Variants in MRPL47 observed in about 807,000 individuals in gnomAD.
The protein encoded by MRPL47 is large ribosomal subunit protein uL29m.
MRPL47 carries 31 observed loss-of-function variants against 34.0 expected under a neutral mutation model. That is an observed-to-expected ratio of 0.91 (90% confidence interval 0.68 to 1.23). The LOEUF (loss-of-function observed/expected upper bound fraction) is 1.23, where lower values mean the gene tolerates loss of function less well. Among genes scored for constraint, MRPL47 ranks in the 50% most tolerant of loss-of-function variants. MRPL47 has a pLI of 0.00. For missense variants in MRPL47, 328 were observed against 285.8 expected (o/e 1.15, Z -1.07); for synonymous variants, 106 against 101.6 (o/e 1.04, Z -0.26).
At position 179,588,837 on chromosome 3, in the gene MRPL47, A is replaced by G; in HGVS notation, c.*35T>C. The G allele has an allele frequency of 6.2e-7, 1 of 1,601,060 alleles. No homozygotes were observed. The highest frequency in any genetic ancestry group is 8.5e-7 in the Non-Finnish European group (1 of 1,174,252). ...TACTCCTGTACACAGACTATTCAAG[A>G]AAAACAAAATGGTAAATTTAATAGT... On this transcript the variant is annotated 3_prime_UTR_variant, in exon 7 of 7. Transcript: ENST00000476781.
chr3:179,595,637 CTT>C (rs1477174023), intron 4 of MRPL47, among the ~76,000 whole-genome samples: 2 of 152,202 alleles, frequency 1.3e-5, no homozygotes, highest in African/African-American at 4.8e-5. Context: ...AAGGGTAAGA[CTT>C]GAGGCTTCCA....
rs1718596107 is a variant in MRPL47, at chr3:179,588,947, TA to T, written c.677del (p.Leu226Ter). 1 of 1,613,772 alleles carries T rather than the reference TA, an allele frequency of 6.2e-7. No homozygotes were observed. The highest frequency in any genetic ancestry group is 2.2e-5 in the East Asian group (1 of 44,854). ...RARIKARKEN[L>X]ERKKAKILLK... ...AAAGAATTTTTGCTTTCTTTCTCTC[TA>T]AATTTTCCTTCCGTGCTTTGATGCG... On this transcript the variant is annotated frameshift_variant, in exon 7 of 7. Coordinates refer to ENST00000476781, the MANE Select transcript of MRPL47 (RefSeq NM_020409.3). LOFTEE classifies it high-confidence loss of function.
At chr3:179,603,738 A>G (rs1478156269) in intron 1 of MRPL47, among the ~76,000 whole-genome samples, 2 of 152,212 alleles carry the variant, frequency 1.3e-5, no homozygotes, top group Non-Finnish European at 2.9e-5. Context: ...GCAGCTAAGA[A>G]TGGTTTAAAA....
chr3:179,604,449 T>C lies in MRPL47; in HGVS notation c.98+78A>G, dbSNP rs905473838. ...CGGCCGTTCCATTCTTGAGTTGTTC[T>C]CGGCATCTCGGCATCTCGGCAACCA... On this transcript the variant is annotated intron_variant, in intron 1 of 6. Transcript: ENST00000476781. 2.8e-5 allele frequency: 38 copies of C among 1,377,362 alleles called. 1 individual carries two copies. Among genetic ancestry groups the C allele is most frequent in the Admixed American group, 1.5e-4 (8 of 54,310 alleles). The allele number at this position is 1,377,362 out of a possible 1,614,324, so 85.3% of individuals were successfully genotyped here. A position where few individuals can be genotyped will look rare whatever the true frequency, so the allele number is the denominator to read the frequency against.
chr3:179,600,401 G>A (rs1217794260), intron 3 of MRPL47, among the ~76,000 whole-genome samples: 2 of 152,098 alleles, frequency 1.3e-5, no homozygotes, highest in South Asian at 4.1e-4. Context: ...AGCACTTTGC[G>A]AGGCCAAGGC....
chr3:179,595,090 G>A (rs867464508), intron 4 of MRPL47, among the ~76,000 whole-genome samples: 3 of 152,156 alleles, frequency 2.0e-5, no homozygotes, highest in Middle Eastern at 3.2e-3. Context: ...CTGTCAGCCA[G>A]GCTGGAGTGC....
At chr3:179,593,961 T>A (rs557192694) in intron 4 of MRPL47, 66 bp from the exon 5 acceptor site, 1 of 1,420,394 alleles carries the variant, frequency 7.0e-7, no homozygotes, top group Admixed American at 1.9e-5. Flanking sequence ...AAAAAGAGAA[T>A]GTATAAACAC....
chr3:179,601,825 C>A (rs753402198), intron 2 of MRPL47, 35 bp from the exon 3 acceptor site: 9 of 1,506,892 alleles, frequency 6.0e-6, no homozygotes, highest in Non-Finnish European at 8.3e-6. Context: ...AATAACATTT[C>A]TAGCCATGTG....
At position 179,604,563 on chromosome 3, in the gene MRPL47, C is replaced by G; in HGVS notation, c.62G>C (p.Arg21Pro). The G allele has an allele frequency of 1.9e-6, 3 of 1,614,186 alleles. No individual in the cohort carries two copies. The highest frequency in any genetic ancestry group is 2.5e-6 in the Non-Finnish European group (3 of 1,180,030). Residue 21 changes from arginine (R) to proline (P), a missense_variant, in exon 1 of 7, where the codon CGA becomes CCA. Coordinates refer to ENST00000476781, the MANE Select transcript of MRPL47 (RefSeq NM_020409.3). ...RRVSSALKSS[R>P]SLITPQVPAC... The stretch of plus-strand genomic sequence containing the variant: ...AGGGACCTGAGGAGTTATTAACGAT[C>G]GGGAAGATTTCAGGGCGGATGAAAC...
chr3:179,599,111 G>C (rs1033698419), intron 3 of MRPL47, among the ~76,000 whole-genome samples: 1 of 151,774 alleles, frequency 6.6e-6, no homozygotes, highest in Non-Finnish European at 1.5e-5. Context: ...TGAGGCTATA[G>C]TGGGCTAAGA....
At chr3:179,600,272 A>G (rs1311996988) in intron 3 of MRPL47, among the ~76,000 whole-genome samples, 1 of 152,244 alleles carries the variant, frequency 6.6e-6, no homozygotes, top group African/African-American at 2.4e-5. Flanking sequence ...GAATAAACAT[A>G]GTATCAGTGG....
At chr3:179,591,464 A>C (rs1718669362) in intron 6 of MRPL47, among the ~76,000 whole-genome samples, 4 of 152,150 alleles carry the variant, frequency 2.6e-5, no homozygotes, top group Admixed American at 2.6e-4. Context: ...AAAAAATCTT[A>C]AGTTTGTATA....
chr3:179,602,672 C>T lies in MRPL47; in HGVS notation c.224G>A (p.Gly75Glu). Residue 75 changes from glycine to glutamate, a missense_variant, in exon 2 of 7, where the codon GGG becomes GAG. Transcript: ENST00000476781. ...CTCACCAGATTTTACTTTTTCTTGC[C>T]CCCAGTTTTTTGGGTCATCAAAAAA... ...EEFFDDPKNW[G>E]QEKVKSGAAW... 3 of 1,610,950 alleles carry T rather than the reference C, an allele frequency of 1.9e-6. No individual in the cohort carries two copies. Among genetic ancestry groups the T allele is most frequent in the South Asian group, 2.2e-5 (2 of 90,440 alleles).
At chr3:179,593,293 G>C (rs1343096981) in intron 5 of MRPL47, among the ~76,000 whole-genome samples, 2 of 152,190 alleles carry the variant, frequency 1.3e-5, no homozygotes, top group Admixed American at 1.3e-4. Flanking sequence ...ATGGCAGTGG[G>C]AGCAAACTGA....
chr3:179,597,622 C>A (rs1718817715), intron 4 of MRPL47, among the ~76,000 whole-genome samples: 1 of 152,114 alleles, frequency 6.6e-6, no homozygotes, highest in South Asian at 2.1e-4. Context: ...GCCTGGCCAA[C>A]ATGGTAAAAC....
intron 3 of MRPL47, among the ~76,000 whole-genome samples, chr3:179,600,139 AAG>A (rs1272730831): frequency 1.3e-5 from 2 of 152,004 alleles, no homozygotes; most frequent in Non-Finnish European, 2.9e-5. Context: ...AAAAACAAAA[AAG>A]AGAAATGGCA....
At position 179,604,603 on chromosome 3, in the gene MRPL47, G is replaced by A; in HGVS notation, c.22C>T (p.Leu8Phe). MAAAGLA[L>F]LCRRVSSALK... is the part of the protein sequence containing the mutation. ...GCGGATGAAACTCTCCTACAAAGAA[G>A]GGCCAAACCGGCCGCAGCCATGTTT... Residue 8 changes from leucine (L) to phenylalanine (F), a missense_variant, in exon 1 of 7, where the codon CTT becomes TTT. Physicochemically the swap from Leu to Phe is conservative, Grantham distance 22. Coordinates refer to ENST00000476781, the MANE Select transcript of MRPL47 (RefSeq NM_020409.3). 2 of 1,614,226 alleles carry A rather than the reference G, an allele frequency of 1.2e-6. No homozygotes were observed. The highest frequency in any genetic ancestry group is 1.7e-6 in the Non-Finnish European group (2 of 1,180,036).
intron 4 of MRPL47, among the ~76,000 whole-genome samples, chr3:179,598,429 C>CACACACACACACAA (rs370530062): frequency 1.2e-4 from 14 of 118,756 alleles, no homozygotes; most frequent in South Asian, 8.0e-4. Flanking sequence ...CACACACAAA[C>CACACACACACACAA]AAAAAAAAAA....
chr3:179,597,214 A>T (rs1718808146), intron 4 of MRPL47, among the ~76,000 whole-genome samples: 1 of 152,200 alleles, frequency 6.6e-6, no homozygotes, highest in African/African-American at 2.4e-5. Context: ...AATGTTATAT[A>T]ACTCAACTTT....
Sources: gnomAD v4.1 joint callset for allele counts (sites outside exome capture counted in the v4.1 genomes callset) on GRCh38, gnomAD v4.1.1 for gene constraint, MANE v1.5 for transcripts, NCBI Gene and HGNC (gene_info 2026-07-23, HGNC 2026-07-21) for gene names.